The following ITGAE variants were observed in gnomAD, a reference collection of about 807,000 sequenced individuals.
ITGAE encodes integrin alpha-E.
In ITGAE, 99 loss-of-function variants were observed where a neutral mutation model predicts 136.5. The ratio of observed to expected loss-of-function variants is 0.73; its 90% CI spans 0.62 to 0.86. The LOEUF (loss-of-function observed/expected upper bound fraction) is 0.86, where lower values mean the gene tolerates loss of function less well. Ranked by LOEUF, ITGAE falls within the 40% of genes least tolerant of loss-of-function variation. The pLI is 0.00. For missense variants in ITGAE, 1,447 were observed against 1,515.3 expected, an observed-to-expected ratio of 0.95 and a Z score of 0.75; for synonymous variants, 613 against 591.8, an observed-to-expected ratio of 1.04 and a Z score of -0.52.
At chr17:3,778,304 T>A (rs1202449534) in intron 1 of ITGAE, among the ~76,000 whole-genome samples, 1 of 152,196 alleles carries the variant, frequency 6.6e-6, no homozygotes, top group Non-Finnish European at 1.5e-5. Flanking sequence ...GGCTCATGCC[T>A]GTAATCCCAG....
rs75308621 is a variant in ITGAE at position 3,751,680 on chromosome 17, G to T, written c.1863C>A (p.His621Gln). The change falls in exon 15 of 31, where the codon CAC (histidine) becomes CAA (glutamine). Residue 621 changes from histidine (H) to glutamine (Q), a missense_variant. Physicochemically the swap from His to Gln is conservative, Grantham distance 24. Coordinates refer to ENST00000263087, the MANE Select transcript of ITGAE (RefSeq NM_002208.5). The stretch of plus-strand genomic sequence containing the variant: ...AGGGGCTGGCGGAGAGGCCGTCCCA[G>T]TGTCCATTGTAGATATACACACTGC... Reference protein sequence around the residue: ...SFGSVYIYNGHWDGLSASPSQ... With the variant: ...SFGSVYIYNGQWDGLSASPSQ... The T allele has an allele frequency of 6.8e-6, 11 of 1,613,838 alleles. No homozygotes were observed. The highest frequency in any genetic ancestry group is 6.7e-5 in the East Asian group (3 of 44,890).
intron 29 of ITGAE, among the ~76,000 whole-genome samples, chr17:3,719,235 C>CAAAAAAAA (rs746282209): frequency 2.1e-4 from 14 of 66,208 alleles, no homozygotes; most frequent in Non-Finnish European, 2.6e-4. Flanking sequence ...GATTCTTCCT[C>CAAAAAAAA]AAAAAAAAAA....
At chr17:3,761,306 T>G in intron 5 of ITGAE, 97 bp downstream of exon 5, 1 of 1,540,228 alleles carries the variant, frequency 6.5e-7, no homozygotes, top group Non-Finnish European at 8.7e-7. Context: ...ACTGTGGGCC[T>G]GCGTCCCACT....
At chr17:3,719,623 G>A (rs962665716) in intron 29 of ITGAE, among the ~76,000 whole-genome samples, 1 of 152,198 alleles carries the variant, frequency 6.6e-6, no homozygotes, top group African/African-American at 2.4e-5. Context: ...AAAGATTTAT[G>A]CATTCCTGAG....
chr17:3,757,166 G>C (rs776916797), intron 9 of ITGAE, 32 bp from the exon 10 acceptor site: 92 of 1,606,786 alleles, frequency 5.7e-5, no homozygotes, highest in Non-Finnish European at 7.4e-5. Flanking sequence ...GCGAGTCAGC[G>C]CTGCGTGGAT....
chr17:3,725,635 GATCTTACCCTCCC>G, intron 26 of ITGAE: 1 of 1,608,002 alleles, frequency 6.2e-7, no homozygotes. Context: ...TGTGTCCAGG[GATCTTACCCTCCC>G]TTGCTCCTCA....
chr17:3,774,858 C>G (rs1328161380), intron 2 of ITGAE, among the ~76,000 whole-genome samples: 1 of 152,182 alleles, frequency 6.6e-6, no homozygotes, highest in African/African-American at 2.4e-5. Flanking sequence ...ACCCTTTCCA[C>G]CAGAGCTTCT....
chr17:3,757,565 G>A (rs1201103764), intron 9 of ITGAE, 141 bp downstream of exon 9: 1 of 923,758 alleles, frequency 1.1e-6, no homozygotes, highest in Non-Finnish European at 1.7e-6. Context: ...GGATGACAGA[G>A]CATGGAGAGA....
rs2051547709 is a variant in ITGAE, at chr17:3,740,015, G to A, written c.2449-137C>T. On this transcript the variant is annotated intron_variant, in intron 19 of 30. Transcript: ENST00000263087. Reference sequence around the variant, plus strand: ...AGAAGTGCAGTTACAGGGAGGTGAGGGGTGCAGGCTGGGATTGTCCCCGAA... The same window carrying A: ...AGAAGTGCAGTTACAGGGAGGTGAGAGGTGCAGGCTGGGATTGTCCCCGAA... 5 of 698,444 alleles carry A rather than the reference G, an allele frequency of 7.2e-6. 1 individual carries two copies. In the South Asian group the frequency reaches 7.8e-5, roughly 11 times the overall value. The allele number at this position is 698,444 out of a possible 1,614,324, so 43.3% of individuals were successfully genotyped here.
At chr17:3,784,890 G>A (rs546110440) in intron 1 of ITGAE, among the ~76,000 whole-genome samples, 120 of 152,292 alleles carry the variant, frequency 7.9e-4, no homozygotes, top group African/African-American at 2.7e-3. Context: ...CTAGCCCTGT[G>A]GAAGACTGAG....
chr17:3,750,526 G>C (rs765279232), intron 15 of ITGAE, 44 bp from the exon 16 acceptor site: 2 of 1,610,112 alleles, frequency 1.2e-6, no homozygotes, highest in Non-Finnish European at 1.7e-6. Flanking sequence ...GGAAGGGAGG[G>C]AAACGGGGCG....
intron 28 of ITGAE, among the ~76,000 whole-genome samples, chr17:3,722,181 G>T (rs552556321): frequency 7.0e-6 from 1 of 143,078 alleles, no homozygotes. Context: ...AGAAAGAAAA[G>T]AAAAGAAAAG....
chr17:3,746,391 C>T (rs952014512), intron 17 of ITGAE, among the ~76,000 whole-genome samples: 2 of 152,046 alleles, frequency 1.3e-5, no homozygotes, highest in Non-Finnish European at 1.5e-5. Context: ...TGCCCAGCAT[C>T]GCACAGCCCA....
chr17:3,747,054 G>A (rs2051734482), intron 17 of ITGAE, among the ~76,000 whole-genome samples: 1 of 152,206 alleles, frequency 6.6e-6, no homozygotes, highest in Admixed American at 6.5e-5. Flanking sequence ...CGTTCCAGGG[G>A]GGAGCTCTTG....
chr17:3,800,373 A>AT lies in ITGAE; in HGVS notation c.34+737dup, dbSNP rs559043191. On this transcript the variant is annotated intron_variant, in intron 1 of 30. Coordinates refer to ENST00000263087, the MANE Select transcript of ITGAE (RefSeq NM_002208.5). Reference sequence around the variant, plus strand: ...CCTCCTGAGCAGGGGCAGGAGACCCATGGGAAGTCTGCTCAGATCACTAGG... The same window carrying AT: ...CCTCCTGAGCAGGGGCAGGAGACCCATTGGGAAGTCTGCTCAGATCACTAGG... 7.7e-3 allele frequency among the ~76,000 whole-genome samples: 1,168 copies of AT among 152,256 alleles called. 10 individuals are homozygous for AT. Among genetic ancestry groups the AT allele is most frequent in the Middle Eastern group, 0.017 (5 of 294 alleles).
At chr17:3,730,668 T>C (rs2051321255) in intron 23 of ITGAE, among the ~76,000 whole-genome samples, 1 of 152,082 alleles carries the variant, frequency 6.6e-6, no homozygotes, top group African/African-American at 2.4e-5. Context: ...CCACCAGATG[T>C]CCTACTGAAC....
At chr17:3,753,241 G>T in intron 14 of ITGAE, 49 bp downstream of exon 14, 2 of 1,585,626 alleles carry the variant, frequency 1.3e-6, no homozygotes, top group South Asian at 1.2e-5. Context: ...TCTGTGTCAG[G>T]CTGAGTGCCA....
At chr17:3,791,337 C>A (rs1597372701) in intron 1 of ITGAE, among the ~76,000 whole-genome samples, 1 of 151,864 alleles carries the variant, frequency 6.6e-6, no homozygotes, top group Admixed American at 6.6e-5. Context: ...GGCTGGAGTG[C>A]AGTGGTGCGA....
Position 3,751,832 on chromosome 17 carries a change from C to G in ITGAE, c.1711G>C (p.Gly571Arg), listed in dbSNP as rs149540181. The change falls in exon 15 of 31, where the codon GGG becomes CGG. Residue 571 changes from glycine (G) to arginine (R), a missense_variant. Around this residue, in one of 3 missense-constraint regions of ITGAE, gnomAD observed 1,031 missense variants for 1,011.4 expected, o/e 1.02. Coordinates refer to ENST00000263087, the MANE Select transcript of ITGAE (RefSeq NM_002208.5). ...AAGCCAAAGCGGGCATTGGTGAACC[C>G]GGGGTGCCCACTCAGTATGCGTGCC... The part of the protein sequence containing the change: ...SLARILSGHP[G>R]FTNARFGFAM... 9.3e-6 allele frequency: 15 copies of G among 1,613,978 alleles called. No homozygotes were observed. The highest frequency in any genetic ancestry group is 9.3e-6 in the Non-Finnish European group (11 of 1,179,976).
Sources: allele counts gnomAD v4.1 joint callset (sites outside exome capture counted in the v4.1 genomes callset), GRCh38; gene constraint gnomAD v4.1.1; regional missense constraint gnomAD v4.1.1; transcripts MANE v1.5; gene names NCBI Gene and HGNC (gene_info 2026-07-23, HGNC 2026-07-21).